The following DNAH14 variants were observed in gnomAD, a reference collection of about 807,000 sequenced individuals.
DNAH14 encodes dynein axonemal heavy chain 14.
Under a neutral mutation model 520.9 loss-of-function variants are expected in DNAH14, and 478 were observed. The observed-to-expected ratio is 0.92, with a 90% confidence interval of 0.85 to 0.99. The LOEUF (loss-of-function observed/expected upper bound fraction) is 0.99. DNAH14 is among the 50% of genes least tolerant of loss of function. The pLI is 0.00. For missense variants in DNAH14, 4,831 were observed against 5,234.5 expected (o/e 0.92, Z 2.38); for synonymous variants, 1,581 against 1,757.2 (o/e 0.90, Z 2.51).
rs760828776 is a variant in DNAH14, at chr1:225,094,656, CAAAAAAAAAAAA to C, written c.3574-2451_3574-2440del. ...ATTAAACTAGAAAGCTTCTGCACAGCAAAAAAAAAAAAAAAAAAAAAACAACAAAACAAACAA... is the reference window on the plus strand; with the variant it reads ...ATTAAACTAGAAAGCTTCTGCACAGCAAAAAAAAAACAACAAAACAAACAA... On this transcript the variant is annotated intron_variant, in intron 21 of 85. Coordinates refer to ENST00000682510, the MANE Select transcript of DNAH14 (RefSeq NM_001367479.1). Among the ~76,000 whole-genome samples the C allele has an allele frequency of 3.3e-4, 26 of 77,862 alleles. No homozygotes were observed. In the East Asian group the frequency reaches 3.5e-3, roughly 10 times the overall value. 51.1% of individuals were successfully genotyped at this position (77,862 alleles called of 152,430 possible). A position where few individuals can be genotyped will look rare whatever the true frequency, so the allele number is the denominator to read the frequency against.
At chr1:225,135,923 T>C (rs576175744) in intron 27 of DNAH14, among the ~76,000 whole-genome samples, 10 of 152,286 alleles carry the variant, frequency 6.6e-5, no homozygotes, top group Admixed American at 2.6e-4. Context: ...CTTCTTTGTC[T>C]TTTTTTATCT....
chr1:225,310,953 G>A (rs2094352173), intron 60 of DNAH14, among the ~76,000 whole-genome samples: 1 of 152,052 alleles, frequency 6.6e-6, no homozygotes, highest in Admixed American at 6.6e-5. Context: ...AATCCTTTTG[G>A]TATATACTCA....
chr1:225,010,784 G>C (rs2064654227), intron 10 of DNAH14, among the ~76,000 whole-genome samples: 1 of 151,972 alleles, frequency 6.6e-6, no homozygotes, highest in Non-Finnish European at 1.5e-5. Context: ...CTTGTTATTG[G>C]TCCATTCAGG....
At chr1:225,080,820 G>A (rs2073031873) in intron 19 of DNAH14, 72 bp downstream of exon 19, 7 of 1,418,774 alleles carry the variant, frequency 4.9e-6, no homozygotes, top group Non-Finnish European at 6.5e-6. Context: ...CAAGAGCATT[G>A]TCCTTGGCTT....
At chr1:225,312,834 G>A (rs1158653239) in intron 60 of DNAH14, among the ~76,000 whole-genome samples, 1 of 152,184 alleles carries the variant, frequency 6.6e-6, no homozygotes, top group Admixed American at 6.5e-5. Flanking sequence ...TGTGCTGCTG[G>A]ATTTGGTTTG....
chr1:224,968,686 C>T (rs2061336049), intron 6 of DNAH14, 73 bp from the exon 7 acceptor site: 1 of 955,084 alleles, frequency 1.0e-6, no homozygotes, highest in African/African-American at 1.8e-5. Flanking sequence ...CAAATACAGG[C>T]TTTCTTAATT....
intron 4 of DNAH14, among the ~76,000 whole-genome samples, chr1:224,962,752 G>A (rs1219069249): frequency 1.3e-5 from 2 of 152,104 alleles, no homozygotes; most frequent in Non-Finnish European, 2.9e-5. Flanking sequence ...TTAGAAAAAT[G>A]TTTTCTTTCC....
chr1:225,028,110 G>A (rs1294657027), intron 11 of DNAH14, among the ~76,000 whole-genome samples: 1 of 151,986 alleles, frequency 6.6e-6, no homozygotes, highest in East Asian at 1.9e-4. Flanking sequence ...TGATGTGTTT[G>A]TCTGGTTTTG....
chr1:225,118,399 C>T (rs1001266477), intron 25 of DNAH14, among the ~76,000 whole-genome samples: 2 of 152,154 alleles, frequency 1.3e-5, no homozygotes, highest in Non-Finnish European at 2.9e-5. Context: ...TCTCTGGTTT[C>T]ACTGTGGTTT....
rs373637033 is a variant in DNAH14 at position 225,372,049 on chromosome 1, G to T, written c.12319-2639G>T. ...CAGTACACCTAAGAAACTTGCCCAGGTTACATAGGTAATAAGTGGAGGTCC... is the reference window on the plus strand; with the variant it reads ...CAGTACACCTAAGAAACTTGCCCAGTTTACATAGGTAATAAGTGGAGGTCC... On this transcript the variant is annotated intron_variant, in intron 77 of 85. Transcript: ENST00000682510. Among the ~76,000 whole-genome samples the T allele has an allele frequency of 1.7e-4, 26 of 152,204 alleles. No homozygotes were observed. In the South Asian group the frequency reaches 4.1e-3, roughly 24 times the overall value.
chr1:225,388,540 C>A, intron 82 of DNAH14, 49 bp downstream of exon 82: 1 of 1,154,208 alleles, frequency 8.7e-7, no homozygotes. Flanking sequence ...TGCTTAAAGC[C>A]CAAAGGTTTA....
intron 58 of DNAH14, among the ~76,000 whole-genome samples, chr1:225,306,931 G>C (rs1368590074): frequency 6.6e-6 from 1 of 151,884 alleles, no homozygotes; most frequent in East Asian, 1.9e-4. Flanking sequence ...GGGTAGATAT[G>C]GGGGGAGAAA....
At chr1:225,237,068 A>T (rs752992638) in intron 42 of DNAH14, among the ~76,000 whole-genome samples, 1 of 151,474 alleles carries the variant, frequency 6.6e-6, no homozygotes, top group African/African-American at 2.4e-5. Flanking sequence ...CCATCCCTTT[A>T]TTTTCAGCCT....
At chr1:225,127,545 C>G (rs55869851) in intron 27 of DNAH14, among the ~76,000 whole-genome samples, 30,050 of 151,440 alleles carry the variant, frequency 0.2, 6,118 homozygotes, top group African/African-American at 0.51. Flanking sequence ...GCCTTTTTTT[C>G]TTTTCCATTT....
chr1:225,125,168 A>G (rs932014617), intron 27 of DNAH14, among the ~76,000 whole-genome samples: 9 of 152,192 alleles, frequency 5.9e-5, no homozygotes, highest in African/African-American at 2.2e-4. Flanking sequence ...GATTAAGCAT[A>G]CATAATTCTT....
intron 5 of DNAH14, among the ~76,000 whole-genome samples, chr1:224,964,859 C>T (rs2061063102): frequency 6.6e-6 from 1 of 152,100 alleles, no homozygotes; most frequent in Admixed American, 6.6e-5. Flanking sequence ...CACCTCTCAT[C>T]ACTTTCTCTG....
At chr1:225,016,837 C>T (rs933106420) in intron 10 of DNAH14, among the ~76,000 whole-genome samples, 1 of 151,484 alleles carries the variant, frequency 6.6e-6, no homozygotes, top group African/African-American at 2.4e-5. Context: ...CTGAAGGTCT[C>T]AGTTGCATTT....
chr1:225,083,551 T>C (rs2148601179), intron 20 of DNAH14, among the ~76,000 whole-genome samples: 1 of 152,264 alleles, frequency 6.6e-6, no homozygotes, highest in South Asian at 2.1e-4. Context: ...AAAATTAACA[T>C]GTCAAAAACA....
At chr1:225,144,317 T>C (rs1299871921) in intron 28 of DNAH14, 80 bp from the exon 29 acceptor site, 7 of 1,093,820 alleles carry the variant, frequency 6.4e-6, no homozygotes, top group South Asian at 6.3e-5. Context: ...CCATTTTTAA[T>C]CTTGATTCTT....
Sources: gnomAD v4.1 joint callset for allele counts (sites outside exome capture counted in the v4.1 genomes callset) on GRCh38, gnomAD v4.1.1 for gene constraint, MANE v1.5 for transcripts, NCBI Gene and HGNC (gene_info 2026-07-23, HGNC 2026-07-21) for gene names.